SV2C: variants seen among roughly 807,000 people sequenced by gnomAD.
The protein encoded by SV2C is solute carrier family 22 member B3.
In SV2C, 49 loss-of-function variants were observed where a neutral mutation model predicts 79.7. The ratio of observed to expected loss-of-function variants is 0.61; its 90% CI spans 0.49 to 0.78. The LOEUF (loss-of-function observed/expected upper bound fraction) is 0.78, where lower values mean the gene tolerates loss of function less well. SV2C is among the 30% of genes least tolerant of loss of function. The probability of loss-of-function intolerance (pLI) is 0.00; values close to 1 mark genes in which losing one functional copy is unlikely to be tolerated. For synonymous variants in SV2C, 334 were observed against 333.2 expected (o/e 1.00, Z -0.03); for missense variants, 833 against 912.9 (o/e 0.91, Z 1.13).
the SV2C span, among the ~76,000 whole-genome samples, chr5:75,862,569 A>AT: frequency 6.6e-6 from 1 of 152,266 alleles, no homozygotes; most frequent in South Asian, 2.1e-4. Context: ...AAACCAGGGC[A>AT]TTTTTCATGC....
the SV2C span, among the ~76,000 whole-genome samples, chr5:75,925,881 T>C: frequency 6.6e-6 from 1 of 152,138 alleles, no homozygotes; most frequent in African/African-American, 2.4e-5. Flanking sequence ...ACCCTGGAAA[T>C]GAGCTGGACA....
intron 3 of SV2C, among the ~76,000 whole-genome samples, chr5:76,206,438 G>A (rs969210589): frequency 2.0e-4 from 31 of 152,174 alleles, no homozygotes; most frequent in Admixed American, 1.4e-3. Flanking sequence ...GGTGACCACA[G>A]CAACTAAGGC....
intron 9 of SV2C, among the ~76,000 whole-genome samples, chr5:76,297,188 T>C (rs1422282714): frequency 6.6e-6 from 1 of 152,138 alleles, no homozygotes; most frequent in Non-Finnish European, 1.5e-5. Context: ...ATAGAAACAA[T>C]TTTTTTGTCC....
the SV2C span, among the ~76,000 whole-genome samples, chr5:75,959,755 T>A: frequency 1.3e-5 from 2 of 152,012 alleles, no homozygotes; most frequent in African/African-American, 4.8e-5. Context: ...TCATTCCACA[T>A]TTATCTTCTG....
the SV2C span, among the ~76,000 whole-genome samples, chr5:75,958,050 C>T: frequency 1.3e-5 from 2 of 151,924 alleles, no homozygotes; most frequent in African/African-American, 2.4e-5. Flanking sequence ...TTGAGCATAG[C>T]CCGTGGTGCT....
chr5:76,201,083 A>G (rs573585031), intron 3 of SV2C, among the ~76,000 whole-genome samples: 1 of 152,336 alleles, frequency 6.6e-6, no homozygotes, highest in East Asian at 1.9e-4. Flanking sequence ...ATTGTATATG[A>G]CTTTAAATGT....
chr5:75,894,840 A>G, the SV2C span, among the ~76,000 whole-genome samples: 1 of 152,192 alleles, frequency 6.6e-6, no homozygotes, highest in South Asian at 2.1e-4. Flanking sequence ...GGCTGTGCAC[A>G]TGCCCAGGAG....
At position 76,298,885 on chromosome 5, in the gene SV2C, T is replaced by C. The variant is rs1447558892; in HGVS notation, c.1594T>C (p.Phe532Leu). The change falls in exon 10 of 13, where the codon TTC becomes CTC. Residue 532 changes from phenylalanine to leucine, a missense_variant. Coordinates refer to ENST00000502798, the MANE Select transcript of SV2C (RefSeq NM_014979.4). ...GGATGTAACTTCAGTGAACACCTAC[T>C]TCAAGAACTGCACATTTATTGACAC... ...FEDVTSVNTYFKNCTFIDTVF... is the reference protein window; with the variant it reads ...FEDVTSVNTYLKNCTFIDTVF... 6.2e-7 allele frequency: 1 copy of C among 1,613,888 alleles called. No individual in the cohort carries two copies. Among genetic ancestry groups the C allele is most frequent in the Non-Finnish European group, 8.5e-7 (1 of 1,179,914 alleles).
chr5:75,854,136 CT>C, the SV2C span, among the ~76,000 whole-genome samples: 4 of 151,768 alleles, frequency 2.6e-5, no homozygotes, highest in East Asian at 1.9e-4. Flanking sequence ...TGTATTTACT[CT>C]TTTTTTTCTG....
intron 4 of SV2C, among the ~76,000 whole-genome samples, chr5:76,231,191 T>C (rs780643442): frequency 6.6e-6 from 1 of 152,260 alleles, no homozygotes; most frequent in Non-Finnish European, 1.5e-5. Flanking sequence ...GTTACCATTC[T>C]GTGCAATAGA....
chr5:76,271,722 C>T (rs1746873539), intron 4 of SV2C, among the ~76,000 whole-genome samples: 1 of 151,270 alleles, frequency 6.6e-6, no homozygotes. Context: ...CCGCCTCAGC[C>T]TCCCAAAGTG....
chr5:76,154,085 G>A (rs1184996020), intron 2 of SV2C, among the ~76,000 whole-genome samples: 1 of 152,166 alleles, frequency 6.6e-6, no homozygotes, highest in Non-Finnish European at 1.5e-5. Flanking sequence ...GTGAGGTGCT[G>A]TCAGGATTGG....
chr5:75,942,199 T>A, the SV2C span, among the ~76,000 whole-genome samples: 8 of 152,204 alleles, frequency 5.3e-5, no homozygotes, highest in Non-Finnish European at 1.2e-4. Context: ...TCCTTCTAGA[T>A]CTCGCCCTAT....
intron 4 of SV2C, among the ~76,000 whole-genome samples, chr5:76,273,031 T>A (rs1030168208): frequency 1.3e-5 from 2 of 151,632 alleles, no homozygotes; most frequent in African/African-American, 4.8e-5. Context: ...ATTTATAGAC[T>A]AATGAGCTGA....
upstream of SV2C, among the ~76,000 whole-genome samples, chr5:76,082,641 C>G (rs996771118): frequency 6.0e-5 from 9 of 150,440 alleles, no homozygotes; most frequent in African/African-American, 7.3e-5. Context: ...TCCACCCCCC[C>G]CCCCTCATAT....
At chr5:76,335,314 C>T (rs1749291180), downstream of SV2C, among the ~76,000 whole-genome samples, 1 of 152,106 alleles carries the variant, frequency 6.6e-6, no homozygotes, top group Non-Finnish European at 1.5e-5. Context: ...TGATACCCAG[C>T]CCATCGCTCT....
chr5:76,321,157 C>A (rs1212023289), intron 12 of SV2C, among the ~76,000 whole-genome samples: 1 of 152,114 alleles, frequency 6.6e-6, no homozygotes, highest in African/African-American at 2.4e-5. Flanking sequence ...AAACAACTAT[C>A]ATTAGGTACA....
At chr5:75,853,557 A>G in the SV2C span, among the ~76,000 whole-genome samples, 6 of 141,560 alleles carry the variant, frequency 4.2e-5, no homozygotes, top group Admixed American at 7.2e-5. Context: ...CTCCTTCTCA[A>G]AAAAAAAAAA....
At chr5:76,267,368 A>G (rs1320438872) in intron 4 of SV2C, among the ~76,000 whole-genome samples, 1 of 152,214 alleles carries the variant, frequency 6.6e-6, no homozygotes, top group East Asian at 1.9e-4. Context: ...CTGCCTGAAA[A>G]GAAAAGAAAA....
Sources: allele counts gnomAD v4.1 joint callset (sites outside exome capture counted in the v4.1 genomes callset), GRCh38; gene constraint gnomAD v4.1.1; transcripts MANE v1.5; gene names NCBI Gene and HGNC (gene_info 2026-07-23, HGNC 2026-07-21).